Variants in TTC6 observed in about 807,000 individuals in gnomAD.
TTC6 encodes the protein tetratricopeptide repeat domain 6, also known as tetratricopeptide repeat protein 6.
TTC6 carries 172 observed loss-of-function variants against 210.4 expected under a neutral mutation model. The observed-to-expected ratio is 0.82, with a 90% CI of 0.72 to 0.93. The LOEUF (loss-of-function observed/expected upper bound fraction) is 0.93. Ranked by LOEUF, TTC6 falls within the 40% of genes least tolerant of loss-of-function variation. The pLI, the probability that TTC6 is intolerant of heterozygous loss-of-function variation, is 0.00. For missense variants in TTC6, 2,414 were observed against 2,318.1 expected (o/e 1.04, Z -0.85); for synonymous variants, 804 against 819.6 (o/e 0.98, Z 0.32).
chr14:37,776,996 G>A (rs956938899), intron 14 of TTC6, among the ~76,000 whole-genome samples: 1 of 152,098 alleles, frequency 6.6e-6, no homozygotes, highest in Admixed American at 6.5e-5. Context: ...CTTTGTAGGT[G>A]ACCTGTCCTT....
intron 3 of TTC6, among the ~76,000 whole-genome samples, chr14:37,691,084 C>A (rs1024048334): frequency 6.6e-6 from 1 of 152,080 alleles, no homozygotes; most frequent in South Asian, 2.1e-4. Flanking sequence ...CATCCTAGCA[C>A]TTTGGGAGGC....
At chr14:37,833,368 AT>A (rs2096190515) in intron 29 of TTC6, among the ~76,000 whole-genome samples, 1 of 152,088 alleles carries the variant, frequency 6.6e-6, no homozygotes. Context: ...ATATAATGAC[AT>A]TGTTAGTCTC....
chr14:37,683,956 G>A lies in TTC6; in HGVS notation c.1257+992G>A, dbSNP rs114606611. Among the ~76,000 whole-genome samples the A allele has an allele frequency of 1.4e-3, 206 of 151,984 alleles. 2 individuals are homozygous for A. Among genetic ancestry groups the A allele is most frequent in the African/African-American group, 4.7e-3 (195 of 41,434 alleles). On this transcript the variant is annotated intron_variant, in intron 3 of 30. Coordinates refer to ENST00000553443, the Ensembl canonical transcript of TTC6. Reference sequence around the variant, plus strand: ...AATCCTCTCCCACACTGATTCAGATGGATGCCTCTCTGGGTAATTCCTCTA... The same window carrying A: ...AATCCTCTCCCACACTGATTCAGATAGATGCCTCTCTGGGTAATTCCTCTA...
At chr14:37,654,311 C>T (rs1165622796) in intron 1 of TTC6, among the ~76,000 whole-genome samples, 1 of 152,036 alleles carries the variant, frequency 6.6e-6, no homozygotes, top group Non-Finnish European at 1.5e-5. Context: ...ATGGATACCC[C>T]ATTTTCCGTG....
intron 14 of TTC6, among the ~76,000 whole-genome samples, chr14:37,786,152 C>G (rs186964214): frequency 6.6e-6 from 1 of 152,324 alleles, no homozygotes; most frequent in East Asian, 1.9e-4. Context: ...CTCTTCAAAG[C>G]TGTCAGACAG....
chr14:37,621,713 T>C (rs918882553), upstream of TTC6, among the ~76,000 whole-genome samples: 1 of 151,770 alleles, frequency 6.6e-6, no homozygotes, highest in Non-Finnish European at 1.5e-5. Context: ...GCAGGGGTCC[T>C]GGGGATTTTC....
intron 1 of TTC6, among the ~76,000 whole-genome samples, chr14:37,662,465 C>T (rs553121736): frequency 1.2e-4 from 18 of 152,124 alleles, no homozygotes; most frequent in East Asian, 9.7e-4. Flanking sequence ...TATTGATTTG[C>T]GTATGTTGAA....
At chr14:37,742,412 G>T (rs1426298336) in intron 10 of TTC6, among the ~76,000 whole-genome samples, 2 of 150,958 alleles carry the variant, frequency 1.3e-5, no homozygotes, top group Non-Finnish European at 2.9e-5. Context: ...TTTTTGTTTT[G>T]TTTTTTTTGT....
intron 10 of TTC6, among the ~76,000 whole-genome samples, chr14:37,740,759 T>C (rs2095916601): frequency 6.6e-6 from 1 of 152,224 alleles, no homozygotes; most frequent in Admixed American, 6.5e-5. Flanking sequence ...GTAGGTTTTC[T>C]AAGTTGATAA....
In TTC6 at chr14:37,748,980, TG is replaced by T; in HGVS notation, c.2406del (p.Leu802PhefsTer20). ...ATACTTCCGGGACAGAAGAAATATT[TG>T]TTCAAAGTTCCATTATATGAACGTC... On this transcript the variant is annotated frameshift_variant, in exon 11 of 31. Coordinates refer to ENST00000553443, the Ensembl canonical transcript of TTC6. LOFTEE classifies it high-confidence loss of function. 4.6e-6 allele frequency: 7 copies of T among 1,528,348 alleles called. No individual in the cohort carries two copies. Among genetic ancestry groups the T allele is most frequent in the Non-Finnish European group, 6.1e-6 (7 of 1,143,168 alleles). 94.7% of individuals were successfully genotyped at this position (1,528,348 alleles called of 1,614,324 possible). A position where few individuals can be genotyped will look rare whatever the true frequency, so the allele number is the denominator to read the frequency against.
At chr14:37,829,488 A>G (rs2096179855) in intron 29 of TTC6, among the ~76,000 whole-genome samples, 2 of 152,066 alleles carry the variant, frequency 1.3e-5, no homozygotes, top group South Asian at 4.1e-4. Context: ...GAACAACAAT[A>G]AAATTACCCT....
intron 14 of TTC6, among the ~76,000 whole-genome samples, chr14:37,767,354 A>G (rs1268791128): frequency 6.6e-6 from 1 of 152,212 alleles, no homozygotes; most frequent in South Asian, 2.1e-4. Context: ...TTCTAGTTCT[A>G]GATCCCTGAG....
chr14:37,687,626 G>A (rs374796697), intron 3 of TTC6, among the ~76,000 whole-genome samples: 20 of 152,056 alleles, frequency 1.3e-4, no homozygotes, highest in South Asian at 8.3e-4. Context: ...TTTGTTTTGC[G>A]TCTTACATAC....
intron 14 of TTC6, among the ~76,000 whole-genome samples, chr14:37,764,532 C>T (rs1213468487): frequency 2.0e-5 from 3 of 151,988 alleles, no homozygotes; most frequent in Non-Finnish European, 2.9e-5. Flanking sequence ...TCTTCTTTGT[C>T]CCTTGTATTA....
intron 10 of TTC6, among the ~76,000 whole-genome samples, chr14:37,747,295 CA>C (rs2095938908): frequency 6.6e-6 from 1 of 152,096 alleles, no homozygotes; most frequent in African/African-American, 2.4e-5. Context: ...ATTACTTTGT[CA>C]GTGAACATCC....
chr14:37,680,058 A>T, intron 1 of TTC6, 93 bp from the exon 4 acceptor site: 1 of 680,386 alleles, frequency 1.5e-6, no homozygotes, highest in Non-Finnish European at 2.4e-6. Flanking sequence ...TTTTTCATTT[A>T]CTACACAAAT....
intron 3 of TTC6, among the ~76,000 whole-genome samples, chr14:37,691,167 T>C (rs1318320508): frequency 1.3e-5 from 2 of 152,010 alleles, no homozygotes; most frequent in Non-Finnish European, 2.9e-5. Context: ...CCACCTGCAC[T>C]AAAAATACAA....
chr14:37,620,662 T>A (rs915068121), upstream of TTC6, among the ~76,000 whole-genome samples: 2 of 152,328 alleles, frequency 1.3e-5, no homozygotes, highest in East Asian at 3.9e-4. Flanking sequence ...CAGAATTTTT[T>A]AAAATTGTAG....
intron 14 of TTC6, among the ~76,000 whole-genome samples, chr14:37,769,823 G>C (rs1183568396): frequency 6.6e-6 from 1 of 152,016 alleles, no homozygotes; most frequent in Non-Finnish European, 1.5e-5. Context: ...TCTGATATTA[G>C]TTATTTCTTG....
Sources: gnomAD v4.1 joint callset for allele counts (sites outside exome capture counted in the v4.1 genomes callset) on GRCh38, gnomAD v4.1.1 for gene constraint, MANE v1.5 for transcripts, NCBI Gene and HGNC (gene_info 2026-07-23, HGNC 2026-07-21) for gene names.